NOS1: variants seen among roughly 807,000 people sequenced by gnomAD.
NOS1 encodes nitric oxide synthase 1.
Under a neutral mutation model 164.5 loss-of-function variants are expected in NOS1, and 51 were observed. That is an observed-to-expected ratio of 0.31 (90% CI 0.25 to 0.39). NOS1 has a LOEUF of 0.39. Ranked by LOEUF, NOS1 falls within the 10% of genes least tolerant of loss-of-function variation. The pLI is 1.00. For missense variants in NOS1, 1,362 were observed against 1,885.6 expected (o/e 0.72, Z 5.14); for synonymous variants, 719 against 745.8 (o/e 0.96, Z 0.59).
intron 1 of NOS1, among the ~76,000 whole-genome samples, chr12:117,353,540 G>T (rs1166746499): frequency 1.3e-5 from 2 of 152,198 alleles, no homozygotes; most frequent in Non-Finnish European, 2.9e-5. Context: ...CTCAGTTAAG[G>T]TTGTTTTCTA....
intron 1 of NOS1, among the ~76,000 whole-genome samples, chr12:117,341,604 A>G (rs921859373): frequency 2.0e-5 from 3 of 152,132 alleles, no homozygotes; most frequent in African/African-American, 7.2e-5. Flanking sequence ...CTATCCATGG[A>G]CGCTTCAGTG....
At chr12:117,226,819 G>A (rs775185014) in intron 23 of NOS1, 49 bp from the exon 24 acceptor site, 26 of 1,451,000 alleles carry the variant, frequency 1.8e-5, no homozygotes, top group Admixed American at 3.5e-5. Flanking sequence ...TCCCGAGCAC[G>A]GCCTCCCCTC....
At chr12:117,269,535 C>A (rs143404979) in intron 10 of NOS1, among the ~76,000 whole-genome samples, 1 of 139,070 alleles carries the variant, frequency 7.2e-6, no homozygotes, top group African/African-American at 2.7e-5. Context: ...GTCGTGATCT[C>A]GGCTCACTGC....
At chr12:117,230,501 C>T (rs1490293030) in intron 22 of NOS1, among the ~76,000 whole-genome samples, 2 of 152,158 alleles carry the variant, frequency 1.3e-5, no homozygotes, top group Admixed American at 1.3e-4. Flanking sequence ...ACTATGCACT[C>T]GCTAATTAGC....
chr12:117,238,931 A>T (rs1869944446), intron 20 of NOS1, among the ~76,000 whole-genome samples: 1 of 152,224 alleles, frequency 6.6e-6, no homozygotes, highest in Non-Finnish European at 1.5e-5. Flanking sequence ...ATGTTTTTAG[A>T]CACAAGCTTA....
chr12:117,290,987 C>T (rs755759173), intron 3 of NOS1, among the ~76,000 whole-genome samples: 2 of 152,118 alleles, frequency 1.3e-5, no homozygotes, highest in East Asian at 1.9e-4. Flanking sequence ...CCGAGGTGGG[C>T]GGATCACTTG....
intron 11 of NOS1, among the ~76,000 whole-genome samples, chr12:117,267,368 C>A (rs1392098055): frequency 1.3e-5 from 2 of 152,176 alleles, no homozygotes; most frequent in Admixed American, 1.3e-4. Context: ...AGGTGAATCA[C>A]CTGAAGTCAG....
chr12:117,257,953 C>T (rs1566043405), intron 16 of NOS1, among the ~76,000 whole-genome samples: 2 of 151,952 alleles, frequency 1.3e-5, no homozygotes, highest in African/African-American at 2.4e-5. Flanking sequence ...TACATACATG[C>T]GCCACCACGC....
chr12:117,257,247 C>T (rs1871535379), intron 16 of NOS1, among the ~76,000 whole-genome samples: 1 of 151,844 alleles, frequency 6.6e-6, no homozygotes. Flanking sequence ...CCATGCCCAG[C>T]TAATTTTTAA....
At chr12:117,290,527 G>T in intron 3 of NOS1, 101 bp from the exon 4 acceptor site, 3 of 1,387,612 alleles carry the variant, frequency 2.2e-6, no homozygotes, top group Non-Finnish European at 1.9e-6. Flanking sequence ...CCTGGGATCT[G>T]CCTTGAGTGA....
chr12:117,309,713 A>G (rs1874334665), intron 3 of NOS1, among the ~76,000 whole-genome samples: 1 of 152,220 alleles, frequency 6.6e-6, no homozygotes. Flanking sequence ...ATATTGACTT[A>G]GCTGTCAAAA....
At position 117,278,166 on chromosome 12, in the gene NOS1, A is replaced by G. The variant is rs1566054935; in HGVS notation, c.1525-68T>C. ...CCTACAAACACAACCCTTATGTGGG[A>G]AGCGGGGGTGGGGTGGATAGAGATC... is the stretch of plus-strand genomic sequence containing the variant. On this transcript the variant is annotated intron_variant, in intron 8 of 28. Transcript: ENST00000317775. 2.7e-6 allele frequency: 4 copies of G among 1,504,868 alleles called. No individual in the cohort carries two copies. The East Asian group carries it at 9.5e-5, about 36-fold the overall frequency. The allele number at this position is 1,504,868 out of a possible 1,614,324, so 93.2% of individuals were successfully genotyped here.
At chr12:117,236,655 G>A (rs73401864) in intron 20 of NOS1, among the ~76,000 whole-genome samples, 2 of 152,176 alleles carry the variant, frequency 1.3e-5, no homozygotes, top group Admixed American at 1.3e-4. Context: ...GCAGAAGCCG[G>A]GGCCAGCAGG....
Position 117,282,465 on chromosome 12 carries a change from C to T in NOS1, c.1383-1599G>A, listed in dbSNP as rs142082588. ...CCCCTTGGCTGGAATCCCCCTCTTCCATTTTATGTCCAAGTTCAAGACCTG... is the reference window on the plus strand; with the variant it reads ...CCCCTTGGCTGGAATCCCCCTCTTCTATTTTATGTCCAAGTTCAAGACCTG... On this transcript the variant is annotated intron_variant, in intron 7 of 28. Transcript: ENST00000317775. 2.2e-4 allele frequency among the ~76,000 whole-genome samples: 33 copies of T among 152,346 alleles called. No individual in the cohort carries two copies. In the East Asian group the frequency reaches 5.2e-3, roughly 24 times the overall value.
intron 1 of NOS1, among the ~76,000 whole-genome samples, chr12:117,341,498 T>C (rs1876110597): frequency 6.6e-6 from 1 of 152,184 alleles, no homozygotes; most frequent in Non-Finnish European, 1.5e-5. Flanking sequence ...GCAGAGCTCA[T>C]TTACTTGAGC....
chr12:117,263,843 A>T, intron 13 of NOS1, 46 bp downstream of exon 13: 1 of 1,434,530 alleles, frequency 7.0e-7, no homozygotes. Context: ...GGGTTCTCTG[A>T]GTTTGTGGGG....
intron 2 of NOS1, among the ~76,000 whole-genome samples, chr12:117,322,101 CCT>C (rs1184181323): frequency 3.0e-5 from 4 of 135,038 alleles, no homozygotes; most frequent in African/African-American, 1.1e-4. Context: ...TCCTTCCCTC[CCT>C]CTCTCCTCCC....
At chr12:117,259,175 G>A in intron 14 of NOS1, 45 bp from the exon 15 acceptor site, 1 of 1,325,470 alleles carries the variant, frequency 7.5e-7, no homozygotes. Context: ...AGGAAGAAGG[G>A]GATGAGGAGA....
chr12:117,305,613 C>A (rs576875662), intron 3 of NOS1, among the ~76,000 whole-genome samples: 4 of 152,056 alleles, frequency 2.6e-5, no homozygotes, highest in Non-Finnish European at 5.9e-5. Context: ...ATTTCTGAAG[C>A]CTGTGCCTAT....
Sources: allele counts gnomAD v4.1 joint callset (sites outside exome capture counted in the v4.1 genomes callset), GRCh38; gene constraint gnomAD v4.1.1; transcripts MANE v1.5; gene names NCBI Gene and HGNC (gene_info 2026-07-23, HGNC 2026-07-21).